Variants in ANKRD28 observed in about 807,000 individuals in gnomAD.
ANKRD28 encodes ankyrin repeat domain 28.
In ANKRD28, 44 loss-of-function variants were observed where a neutral mutation model predicts 126.5. That is an observed-to-expected ratio of 0.35 (90% CI 0.27 to 0.45). The LOEUF (loss-of-function observed/expected upper bound fraction) is 0.45, where lower values mean the gene tolerates loss of function less well. Ranked by LOEUF, ANKRD28 falls within the 20% of genes least tolerant of loss-of-function variation. The pLI, the probability that ANKRD28 is intolerant of heterozygous loss-of-function variation, is 1.00. For synonymous variants in ANKRD28, 442 were observed against 468.5 expected, an observed-to-expected ratio of 0.94 and a Z score of 0.73; for missense variants, 1,110 against 1,316.6, an observed-to-expected ratio of 0.84 and a Z score of 2.43.
chr3:15,712,208 C>G lies in ANKRD28; in HGVS notation c.1205G>C (p.Gly402Ala). Residue 402 changes from glycine to alanine, a missense_variant, in exon 11 of 28, where the codon GGA becomes GCA. Gly to Ala is a moderately conservative substitution (Grantham distance 60). Coordinates refer to ENST00000683139, the MANE Select transcript of ANKRD28 (RefSeq NM_001349278.2). The stretch of plus-strand genomic sequence containing the variant: ...GGCTGCCAAATGGAGGGGGAACATT[C>G]CATGTATGCCACGCCTAAAGTTAAT... ...GADTAKRGIH[G>A]MFPLHLAALS... 6.3e-7 allele frequency: 1 copy of G among 1,581,190 alleles called. No individual in the cohort carries two copies. The highest frequency in any genetic ancestry group is 8.6e-7 in the Non-Finnish European group (1 of 1,162,884).
rs999450563 is a variant in ANKRD28 at position 15,679,334 on chromosome 3, G to T, written c.2528C>A (p.Ala843Asp). Residue 843 changes from alanine to aspartate, a missense_variant, in exon 23 of 28, where the codon GCC becomes GAC. Physicochemically the swap from Ala to Asp is moderately radical, Grantham distance 126. Coordinates refer to ENST00000683139, the MANE Select transcript of ANKRD28 (RefSeq NM_001349278.2). ...TGAATCTGTGGCGTTCACAATGCTG[G>T]CACCTAATGTATCAATTAACATCTC... ...AAEMLIDTLG[A>D]SIVNATDSKG... 6.2e-7 allele frequency: 1 copy of T among 1,613,856 alleles called. No individual in the cohort carries two copies.
chr3:15,762,765 A>T (rs1395562391), intron 3 of ANKRD28, among the ~76,000 whole-genome samples: 5 of 151,134 alleles, frequency 3.3e-5, no homozygotes, highest in Admixed American at 2.6e-4. Flanking sequence ...AATGCTCCTT[A>T]AAAAAAAATA....
intron 1 of ANKRD28, among the ~76,000 whole-genome samples, chr3:15,822,854 A>G (rs1345998114): frequency 2.0e-5 from 3 of 152,228 alleles, no homozygotes; most frequent in Non-Finnish European, 4.4e-5. Flanking sequence ...AACATCAACA[A>G]AACTGATAAG....
At chr3:15,798,042 T>G, upstream of ANKRD28, 1 of 985,412 alleles carries the variant, frequency 1.0e-6, no homozygotes, top group Non-Finnish European at 1.2e-6. Context: ...TTGGACAGCC[T>G]TCACAATTAG....
Position 15,831,834 on chromosome 3 carries a change from G to T in ANKRD28, c.27+27543C>A, listed in dbSNP as rs542648870. On this transcript the variant is annotated intron_variant, in intron 1 of 27. Coordinates refer to the ANKRD28 transcript ENST00000399451. ...AGTCAGATTACCAATTTCAAGAGAA[G>T]GAGAAGCCTCTAACAATGATCTTTA... Among the ~76,000 whole-genome samples, 65 of 152,278 alleles carry T rather than the reference G, an allele frequency of 4.3e-4. 1 individual carries two copies. The highest frequency in any genetic ancestry group is 3.6e-3 in the Admixed American group (55 of 15,288).
chr3:15,855,162 T>C (rs1169375143), intron 1 of ANKRD28, among the ~76,000 whole-genome samples: 3 of 152,188 alleles, frequency 2.0e-5, no homozygotes, highest in South Asian at 2.1e-4. Flanking sequence ...GTATCCCCTA[T>C]TGTAAGATTT....
At position 15,814,678 on chromosome 3, in the gene ANKRD28, A is replaced by G. The variant is rs1032058817; in HGVS notation, c.28-19372T>C. Among the ~76,000 whole-genome samples the G allele has an allele frequency of 3.3e-5, 5 of 151,966 alleles. No homozygotes were observed. The highest frequency in any genetic ancestry group is 1.2e-4 in the African/African-American group (5 of 41,426). On this transcript the variant is annotated intron_variant, in intron 1 of 27. Coordinates refer to the ANKRD28 transcript ENST00000399451. This position sits in a 1 kb window ranked among gnomAD's most constrained non-coding sequence, Gnocchi z 4.7. ...ACAAACTTTTCAAATGCATTCACTA[A>G]TAATATATTCAGTTACTTACTAATC...
rs748220192 is a variant in ANKRD28 at position 15,783,622 on chromosome 3, C to T, written c.201+11601G>A. 6.6e-5 allele frequency among the ~76,000 whole-genome samples: 10 copies of T among 151,750 alleles called. No homozygotes were observed. The East Asian group carries it at 7.7e-4, about 12-fold the overall frequency. On this transcript the variant is annotated intron_variant, in intron 2 of 27. Coordinates refer to ENST00000683139, the MANE Select transcript of ANKRD28 (RefSeq NM_001349278.2). Reference sequence around the variant, plus strand: ...AAACAGAGAAGCACCTAAATGTTTACGAAAGGAGTGGATAAACAAATTCTG... The same window carrying T: ...AAACAGAGAAGCACCTAAATGTTTATGAAAGGAGTGGATAAACAAATTCTG...
At chr3:15,756,400 G>T in intron 3 of ANKRD28, 1 of 671,406 alleles carries the variant, frequency 1.5e-6, no homozygotes, top group Non-Finnish European at 1.8e-6. Context: ...TAAAAGAAAA[G>T]GTTACCTAAA....
At chr3:15,765,821 G>A (rs142835826) in intron 3 of ANKRD28, among the ~76,000 whole-genome samples, 125 of 144,208 alleles carry the variant, frequency 8.7e-4, no homozygotes, top group African/African-American at 2.9e-3. Flanking sequence ...GCAACAGAGC[G>A]AGACTCCATC....
chr3:15,795,625 T>C (rs2060242727), intron 1 of ANKRD28, among the ~76,000 whole-genome samples: 1 of 152,134 alleles, frequency 6.6e-6, no homozygotes, highest in Admixed American at 6.6e-5. Context: ...CAAATACAAA[T>C]GTGTGATCTC....
chr3:15,848,601 G>A (rs1401538419), intron 1 of ANKRD28, among the ~76,000 whole-genome samples: 1 of 152,018 alleles, frequency 6.6e-6, no homozygotes, highest in Non-Finnish European at 1.5e-5. Flanking sequence ...CTTGAGCCCA[G>A]GAGGTCTAGG....
intron 2 of ANKRD28, among the ~76,000 whole-genome samples, chr3:15,766,705 C>A (rs2058756189): frequency 6.6e-6 from 1 of 151,912 alleles, no homozygotes; most frequent in Admixed American, 6.6e-5. Flanking sequence ...AAAACAAAAA[C>A]ACAGGGTATT....
chr3:15,822,621 C>T (rs2060969188), intron 1 of ANKRD28, among the ~76,000 whole-genome samples: 2 of 151,884 alleles, frequency 1.3e-5, no homozygotes, highest in Non-Finnish European at 2.9e-5. Flanking sequence ...AGAGGAAGGC[C>T]AGACACTGAA....
At chr3:15,773,931 A>C (rs1035602772) in intron 2 of ANKRD28, among the ~76,000 whole-genome samples, 3 of 152,348 alleles carry the variant, frequency 2.0e-5, no homozygotes, top group Non-Finnish European at 4.4e-5. Context: ...ATTACTATAA[A>C]AGTGAAGTAA....
rs1382182705 is a variant in ANKRD28, at chr3:15,696,175, G to C, written c.1618C>G (p.His540Asp). The stretch of plus-strand genomic sequence containing the variant: ...CGGTGACCATAAGCAGCTGAATAAT[G>C]AACTGCGTTGTATCCTTGCTTATCA... The part of the protein sequence containing the change: ...IRDKQGYNAV[H>D]YSAAYGHRLC... The change falls in exon 15 of 28, where the codon CAT (histidine) becomes GAT (aspartate). Residue 540 changes from histidine (H) to aspartate (D), a missense_variant. Transcript: ENST00000683139. The C allele has an allele frequency of 1.9e-6, 3 of 1,593,798 alleles. No individual in the cohort carries two copies. The highest frequency in any genetic ancestry group is 2.6e-6 in the Non-Finnish European group (3 of 1,168,520).
chr3:15,676,058 TGTCA>T (rs755916536), intron 26 of ANKRD28, 69 bp from the exon 27 acceptor site: 9 of 1,311,750 alleles, frequency 6.9e-6, no homozygotes, highest in Admixed American at 6.7e-5. Flanking sequence ...CACACCTGGC[TGTCA>T]AAGAGCATTT....
intron 4 of ANKRD28, among the ~76,000 whole-genome samples, chr3:15,745,824 G>C (rs1251174794): frequency 6.6e-6 from 1 of 152,094 alleles, no homozygotes; most frequent in Non-Finnish European, 1.5e-5. Flanking sequence ...TTGCACCATT[G>C]ATTCTACCCA....
chr3:15,747,539 C>T (rs1278026086), intron 4 of ANKRD28, among the ~76,000 whole-genome samples: 1 of 152,046 alleles, frequency 6.6e-6, no homozygotes, highest in African/African-American at 2.4e-5. Flanking sequence ...CAATTTTATT[C>T]CACTGTGGTC....
Sources: allele counts gnomAD v4.1 joint callset (sites outside exome capture counted in the v4.1 genomes callset), GRCh38; gene constraint gnomAD v4.1.1; non-coding constraint Gnocchi (gnomAD v3.1); transcripts MANE v1.5; gene names NCBI Gene and HGNC (gene_info 2026-07-23, HGNC 2026-07-21).